Variants in SNX14 observed in about 807,000 individuals in gnomAD.
SNX14 encodes the protein sorting nexin 14, also known as sorting nexin-14.
SNX14 carries 93 observed loss-of-function variants against 133.8 expected under a neutral mutation model. That is an observed-to-expected ratio of 0.70 (90% CI 0.59 to 0.83). SNX14 has a LOEUF of 0.83. Among genes scored for constraint, SNX14 ranks in the 40% least tolerant of loss-of-function variants. SNX14 has a pLI of 0.00. For synonymous variants in SNX14, 368 were observed against 365.6 expected (o/e 1.01, Z -0.07); for missense variants, 945 against 1,094.9 (o/e 0.86, Z 1.93).
chr6:85,573,576 C>T (rs928469247), intron 2 of SNX14, among the ~76,000 whole-genome samples: 3 of 152,212 alleles, frequency 2.0e-5, no homozygotes, highest in Admixed American at 6.5e-5. Flanking sequence ...CATTACCACC[C>T]TTCATTAAAT....
intron 1 of SNX14, among the ~76,000 whole-genome samples, chr6:85,584,267 T>TA (rs1799962035): frequency 6.6e-6 from 1 of 152,154 alleles, no homozygotes; most frequent in African/African-American, 2.4e-5. Context: ...ATTAAACACT[T>TA]AAACGTAAGA....
chr6:85,555,121 A>G (rs1222869653), intron 7 of SNX14, among the ~76,000 whole-genome samples: 1 of 152,058 alleles, frequency 6.6e-6, no homozygotes, highest in East Asian at 1.9e-4. Context: ...ATACAACGTC[A>G]CTCTCATAGA....
At chr6:85,538,701 T>A in intron 16 of SNX14, 137 bp downstream of exon 16, 1 of 619,430 alleles carries the variant, frequency 1.6e-6, no homozygotes. Context: ...TTTAAAAGAT[T>A]ATCCTAAATA....
At chr6:85,580,045 C>T (rs1268174509) in intron 1 of SNX14, among the ~76,000 whole-genome samples, 1 of 152,174 alleles carries the variant, frequency 6.6e-6, no homozygotes, top group Non-Finnish European at 1.5e-5. Flanking sequence ...CTCTCCAAGT[C>T]CCAGGCAGTG....
At chr6:85,549,190 TAAATATCACTA>T (rs1786887402) in intron 8 of SNX14, among the ~76,000 whole-genome samples, 2 of 152,116 alleles carry the variant, frequency 1.3e-5, no homozygotes, top group South Asian at 4.1e-4. Flanking sequence ...TACATCACTT[TAAATATCACTA>T]AAAATAAGCC....
At chr6:85,534,713 A>T (rs1435443994) in intron 17 of SNX14, among the ~76,000 whole-genome samples, 1 of 152,202 alleles carries the variant, frequency 6.6e-6, no homozygotes, top group Non-Finnish European at 1.5e-5. Flanking sequence ...CTTCTTCCAC[A>T]AAAAATTATG....
rs114660677 is a variant in SNX14 at position 85,540,609 on chromosome 6, C to T, written c.1448+1376G>A. Among the ~76,000 whole-genome samples, 1,121 of 152,242 alleles carry T rather than the reference C, an allele frequency of 7.4e-3. 10 individuals are homozygous for T. The highest frequency in any genetic ancestry group is 0.025 in the African/African-American group (1,040 of 41,548). On this transcript the variant is annotated intron_variant, in intron 15 of 28. Transcript: ENST00000314673. ...CAAATAATCCTAAAGGCATTTCTAC[C>T]TTTCAGAAAAGTTATTACATGTATA...
At position 85,514,559 on chromosome 6, in the gene SNX14, T is replaced by C. The variant is rs1242856421; in HGVS notation, c.2339A>G (p.Tyr780Cys). The change falls in exon 24 of 29, where the codon TAT (tyrosine) becomes TGT (cysteine). Residue 780 changes from tyrosine to cysteine, a missense_variant. Tyr to Cys is a radical substitution (Grantham distance 194). Around this residue, in one of 3 missense-constraint regions of SNX14, gnomAD observed 412 missense variants for 516.6 expected, o/e 0.80. Coordinates refer to ENST00000314673, the MANE Select transcript of SNX14 (RefSeq NM_153816.6). ...ENTERKQNQN[Y>C]FMEVMTVEGV... Reference sequence around the variant, plus strand: ...TTCTACAGTCATCACCTCCATAAAATAATTCTGATTTTGCTTTCTCTCTGT... The same window carrying C: ...TTCTACAGTCATCACCTCCATAAAACAATTCTGATTTTGCTTTCTCTCTGT... The C allele has an allele frequency of 6.2e-7, 1 of 1,613,370 alleles. No homozygotes were observed. Among genetic ancestry groups the C allele is most frequent in the Non-Finnish European group, 8.5e-7 (1 of 1,179,748 alleles).
chr6:85,543,144 T>A (rs1562281230), intron 14 of SNX14, 38 bp downstream of exon 14: 1 of 1,464,618 alleles, frequency 6.8e-7, no homozygotes, highest in South Asian at 1.5e-5. Flanking sequence ...TTAAATTATG[T>A]ATAAAAATCC....
chr6:85,568,221 A>G (rs1225145775), intron 4 of SNX14: 5 of 152,244 alleles, frequency 3.3e-5, no homozygotes. Context: ...AACTGAACCA[A>G]AAACGTGCTA....
At position 85,587,107 on chromosome 6, in the gene SNX14, TG is replaced by T. The variant is rs1801138809; in HGVS notation, c.140+6471del. On this transcript the variant is annotated intron_variant, in intron 1 of 28. Transcript: ENST00000314673. ...GTTGCCCAGGTTCATCTCCAACTCC[TG>T]GCCTCAAGTGATCCTCCCACCTCCA... Among the ~76,000 whole-genome samples, 3 of 152,182 alleles carry T rather than the reference TG, an allele frequency of 2.0e-5. No individual in the cohort carries two copies. In the South Asian group the frequency reaches 6.2e-4, roughly 32 times the overall value.
chr6:85,563,572 T>C (rs774364533), intron 6 of SNX14, among the ~76,000 whole-genome samples: 4 of 152,116 alleles, frequency 2.6e-5, no homozygotes, highest in Non-Finnish European at 5.9e-5. Flanking sequence ...TTTGTATTTT[T>C]AGTAGAGACA....
chr6:85,549,245 G>A (rs766706955), intron 8 of SNX14, among the ~76,000 whole-genome samples: 1 of 151,962 alleles, frequency 6.6e-6, no homozygotes, highest in Non-Finnish European at 1.5e-5. Flanking sequence ...TAGGGTAAGA[G>A]TAACAAGGTA....
intron 1 of SNX14, among the ~76,000 whole-genome samples, chr6:85,577,761 G>A (rs1053304797): frequency 2.6e-5 from 4 of 152,100 alleles, no homozygotes; most frequent in Non-Finnish European, 5.9e-5. Context: ...CAAGGGTCGA[G>A]TCATAAAAAC....
chr6:85,564,702 G>A (rs891386385), intron 6 of SNX14, among the ~76,000 whole-genome samples: 1 of 151,942 alleles, frequency 6.6e-6, no homozygotes, highest in African/African-American at 2.4e-5. Context: ...TAAAAATAAG[G>A]TTTAAGGCCG....
chr6:85,519,034 C>T (rs1025988895), intron 21 of SNX14, among the ~76,000 whole-genome samples: 1 of 152,156 alleles, frequency 6.6e-6, no homozygotes, highest in African/African-American at 2.4e-5. Context: ...TCCCCTATTC[C>T]AACAAGTAAC....
intron 23 of SNX14, among the ~76,000 whole-genome samples, 156 bp from the exon 24 acceptor site, chr6:85,514,785 A>C (rs921269288): frequency 2.6e-5 from 4 of 152,158 alleles, no homozygotes; most frequent in Non-Finnish European, 5.9e-5. Context: ...AAAATTCCCC[A>C]TTTATGCCCC....
At chr6:85,570,855 A>C (rs1209156313) in intron 4 of SNX14, among the ~76,000 whole-genome samples, 1 of 152,016 alleles carries the variant, frequency 6.6e-6, no homozygotes, top group Non-Finnish European at 1.5e-5. Context: ...TCCGTCTCAA[A>C]AAAAAAAGAA....
chr6:85,509,612 G>A lies in SNX14; in HGVS notation c.2654-1553C>T, dbSNP rs547677635. Among the ~76,000 whole-genome samples the A allele has an allele frequency of 3.3e-5, 5 of 152,154 alleles. No homozygotes were observed. The East Asian group carries it at 9.7e-4, about 29-fold the overall frequency. ...CATATGTTCCCTGTCTTGTCTCCCC[G>A]ACTATCAACATCCCCAACAAGAGTG... On this transcript the variant is annotated intron_variant, in intron 26 of 28. Coordinates refer to ENST00000314673, the MANE Select transcript of SNX14 (RefSeq NM_153816.6).
Sources: gnomAD v4.1 joint callset for allele counts (sites outside exome capture counted in the v4.1 genomes callset) on GRCh38, gnomAD v4.1.1 for gene constraint, gnomAD v4.1.1 regional missense constraint, MANE v1.5 for transcripts, NCBI Gene and HGNC (gene_info 2026-07-23, HGNC 2026-07-21) for gene names.